CLDN10: variants seen among roughly 807,000 people sequenced by gnomAD.
CLDN10 encodes claudin 10, also known as claudin-10.
CLDN10 carries 15 observed loss-of-function variants against 22.9 expected under a neutral mutation model. The observed-to-expected ratio is 0.65, with a 90% CI of 0.44 to 1.01. The LOEUF (loss-of-function observed/expected upper bound fraction) is 1.01, where lower values mean the gene tolerates loss of function less well. Ranked by LOEUF, CLDN10 falls within the 50% of genes least tolerant of loss-of-function variation. The pLI, the probability that CLDN10 is intolerant of heterozygous loss-of-function variation, is 0.00. For missense variants in CLDN10, 247 were observed against 287.8 expected, an observed-to-expected ratio of 0.86 and a Z score of 1.03; for synonymous variants, 114 against 111.4, an observed-to-expected ratio of 1.02 and a Z score of -0.15.
intron 1 of CLDN10, among the ~76,000 whole-genome samples, chr13:95,486,832 C>T (rs1044689441): frequency 6.6e-6 from 1 of 152,236 alleles, no homozygotes; most frequent in Non-Finnish European, 1.5e-5. Context: ...GGCAGAACTA[C>T]ACTCTCCCTT....
chr13:95,444,340 T>C (rs896682390), intron 1 of CLDN10, among the ~76,000 whole-genome samples: 5 of 152,240 alleles, frequency 3.3e-5, no homozygotes, highest in African/African-American at 1.2e-4. Flanking sequence ...GCAGCAGGTC[T>C]ACAATTAAGC....
intron 1 of CLDN10, among the ~76,000 whole-genome samples, chr13:95,506,415 G>T (rs1024566474): frequency 6.6e-6 from 1 of 152,182 alleles, no homozygotes; most frequent in African/African-American, 2.4e-5. Flanking sequence ...CCTTGAAGAC[G>T]CAGGCATCCA....
At chr13:95,491,342 G>T (rs2042870293) in intron 1 of CLDN10, among the ~76,000 whole-genome samples, 1 of 151,824 alleles carries the variant, frequency 6.6e-6, no homozygotes, top group South Asian at 2.1e-4. Context: ...CTTCTTGGAG[G>T]CTTTGTTCAT....
chr13:95,554,325 T>G (rs2043606817), intron 1 of CLDN10, among the ~76,000 whole-genome samples: 1 of 152,210 alleles, frequency 6.6e-6, no homozygotes, highest in Admixed American at 6.5e-5. Flanking sequence ...CACTCTTCTG[T>G]TGTAACTCTA....
chr13:95,461,280 T>TG (rs561033836), intron 1 of CLDN10, among the ~76,000 whole-genome samples: 37 of 152,312 alleles, frequency 2.4e-4, no homozygotes, highest in Admixed American at 1.6e-3. Context: ...AGTGTGACCT[T>TG]GAGTGGAGCT....
chr13:95,470,663 A>G (rs1158111139), intron 1 of CLDN10, among the ~76,000 whole-genome samples: 3 of 152,134 alleles, frequency 2.0e-5, no homozygotes, highest in African/African-American at 7.2e-5. Context: ...TCACGAATGA[A>G]AAGACATGCT....
intron 1 of CLDN10, among the ~76,000 whole-genome samples, chr13:95,500,720 G>A (rs1456878780): frequency 1.3e-5 from 2 of 152,142 alleles, no homozygotes; most frequent in Non-Finnish European, 2.9e-5. Flanking sequence ...GAGGTGGGTT[G>A]GGGCAAGCCT....
intron 1 of CLDN10, among the ~76,000 whole-genome samples, chr13:95,513,854 A>T (rs972125323): frequency 1.3e-5 from 2 of 152,226 alleles, no homozygotes; most frequent in Admixed American, 1.3e-4. Flanking sequence ...ACAGCTTTTC[A>T]TGGGTGCCTT....
intron 1 of CLDN10, among the ~76,000 whole-genome samples, chr13:95,535,506 A>G (rs1369135927): frequency 1.3e-5 from 2 of 150,618 alleles, no homozygotes; most frequent in Non-Finnish European, 3.0e-5. Flanking sequence ...TGCTTGGCAG[A>G]CTGAGTGGGT....
At chr13:95,447,764 T>C (rs2042394852) in intron 1 of CLDN10, among the ~76,000 whole-genome samples, 1 of 151,998 alleles carries the variant, frequency 6.6e-6, no homozygotes. Flanking sequence ...TGTGTGTGTG[T>C]GTGTGTGTGT....
chr13:95,552,676 C>A, upstream of CLDN10: 2 of 1,442,454 alleles, frequency 1.4e-6, no homozygotes, highest in South Asian at 1.4e-5. Context: ...AGGCGGGAGG[C>A]GGAGCCCCGG....
intron 1 of CLDN10, among the ~76,000 whole-genome samples, chr13:95,524,388 C>A (rs1456810361): frequency 6.6e-6 from 1 of 152,180 alleles, no homozygotes; most frequent in Non-Finnish European, 1.5e-5. Flanking sequence ...CTATGTTGTG[C>A]AACCAACATC....
intron 1 of CLDN10, among the ~76,000 whole-genome samples, chr13:95,490,993 C>CT (rs1180540141): frequency 2.6e-5 from 4 of 152,122 alleles, no homozygotes; most frequent in Non-Finnish European, 5.9e-5. Context: ...TGAACAAGGT[C>CT]TTTTTACCAT....
At chr13:95,486,972 A>C (rs764175362) in intron 1 of CLDN10, among the ~76,000 whole-genome samples, 3 of 152,140 alleles carry the variant, frequency 2.0e-5, no homozygotes, top group Non-Finnish European at 4.4e-5. Context: ...AATGAAGTGG[A>C]GATTTTGCTG....
chr13:95,471,440 C>CACACACACACATATATATATAT (rs746573300), intron 1 of CLDN10, among the ~76,000 whole-genome samples: 3 of 104,376 alleles, frequency 2.9e-5, no homozygotes, highest in African/African-American at 4.0e-5. Context: ...CACACACACA[C>CACACACACACATATATATATAT]ATATATATAT....
chr13:95,448,944 G>A (rs2042407275), intron 1 of CLDN10, among the ~76,000 whole-genome samples: 1 of 151,590 alleles, frequency 6.6e-6, no homozygotes, highest in Non-Finnish European at 1.5e-5. Context: ...TCACCATGCT[G>A]GCCAGGCTTG....
At chr13:95,436,986 G>C (rs2042278912) in intron 1 of CLDN10, among the ~76,000 whole-genome samples, 1 of 151,884 alleles carries the variant, frequency 6.6e-6, no homozygotes, top group Non-Finnish European at 1.5e-5. Context: ...AATCTTCTTA[G>C]ACTTAGGCCA....
At chr13:95,539,290 G>A (rs1566325478) in intron 1 of CLDN10, among the ~76,000 whole-genome samples, 1 of 152,188 alleles carries the variant, frequency 6.6e-6, no homozygotes, top group Non-Finnish European at 1.5e-5. Context: ...CAAAGTCACT[G>A]GACTCTTAAA....
At chr13:95,470,947 C>G (rs979088022) in intron 1 of CLDN10, among the ~76,000 whole-genome samples, 3 of 152,110 alleles carry the variant, frequency 2.0e-5, no homozygotes, top group Non-Finnish European at 4.4e-5. Context: ...GCGGGCCCGG[C>G]TCTGAGATAG....
Sources: allele counts gnomAD v4.1 joint callset (sites outside exome capture counted in the v4.1 genomes callset), GRCh38; gene constraint gnomAD v4.1.1; transcripts MANE v1.5; gene names NCBI Gene and HGNC (gene_info 2026-07-23, HGNC 2026-07-21).